PLB1: variants seen among roughly 807,000 people sequenced by gnomAD.
PLB1 encodes phospholipase B1, also known as phospholipase B1, membrane-associated.
PLB1 carries 242 observed loss-of-function variants against 227.4 expected under a neutral mutation model. That is an observed-to-expected ratio of 1.06 (90% CI 0.96 to 1.18). PLB1 has a LOEUF of 1.18. Ranked by LOEUF, PLB1 falls within the 50% of genes most tolerant of loss-of-function variation. The pLI is 0.00. For missense variants in PLB1, 1,858 were observed against 1,816.3 expected (o/e 1.02, Z -0.42); for synonymous variants, 757 against 682.2 (o/e 1.11, Z -1.71).
intron 21 of PLB1, 140 bp from the exon 22 acceptor site, chr2:28,577,967 C>T (rs1165758353): frequency 1.3e-5 from 10 of 795,384 alleles, no homozygotes; most frequent in South Asian, 2.9e-5. Flanking sequence ...AGAAGCTCTG[C>T]GACACGGCCT....
chr2:28,518,859 T>C (rs1446165995), intron 3 of PLB1, among the ~76,000 whole-genome samples: 1 of 152,238 alleles, frequency 6.6e-6, no homozygotes, highest in East Asian at 1.9e-4. Flanking sequence ...TTCCCCACAA[T>C]GGGCTGGGTT....
At chr2:28,576,570 A>G (rs1008028570) in intron 21 of PLB1, among the ~76,000 whole-genome samples, 1 of 152,202 alleles carries the variant, frequency 6.6e-6, no homozygotes, top group Non-Finnish European at 1.5e-5. Context: ...TCTCTACTAA[A>G]AATACAACAA....
chr2:28,521,829 A>G (rs1669566423), intron 4 of PLB1, among the ~76,000 whole-genome samples: 1 of 151,984 alleles, frequency 6.6e-6, no homozygotes. Flanking sequence ...CCCTGCTCAG[A>G]GCCCTACTGT....
chr2:28,618,524 A>G (rs1331289951), intron 46 of PLB1, 125 bp downstream of exon 46: 2 of 962,632 alleles, frequency 2.1e-6, no homozygotes, highest in Non-Finnish European at 3.2e-6. Context: ...GGGCCTACCC[A>G]TGTCAGGCAC....
chr2:28,519,565 C>T (rs1480349362), intron 3 of PLB1, 140 bp from the exon 4 acceptor site: 2 of 634,578 alleles, frequency 3.2e-6, no homozygotes, highest in Admixed American at 2.6e-5. Context: ...TTTGGCATTC[C>T]ACTTCCATGG....
intron 19 of PLB1, among the ~76,000 whole-genome samples, chr2:28,566,006 G>A (rs953831591): frequency 2.6e-5 from 4 of 152,118 alleles, no homozygotes; most frequent in Non-Finnish European, 5.9e-5. Context: ...GCCCCCACCA[G>A]TGCATTCCCT....
At chr2:28,542,257 G>C (rs1433710845) in intron 13 of PLB1, among the ~76,000 whole-genome samples, 2 of 152,104 alleles carry the variant, frequency 1.3e-5, no homozygotes, top group African/African-American at 4.8e-5. Context: ...CTGAACCCAG[G>C]ATGCATAGTC....
chr2:28,530,027 T>A (rs1027368414), intron 8 of PLB1, among the ~76,000 whole-genome samples: 9 of 152,156 alleles, frequency 5.9e-5, no homozygotes, highest in African/African-American at 2.2e-4. Flanking sequence ...ACTGGCTAAT[T>A]TTTATATTTT....
chr2:28,637,272 G>A (rs994332089), intron 56 of PLB1, among the ~76,000 whole-genome samples: 1 of 139,506 alleles, frequency 7.2e-6, no homozygotes, highest in Admixed American at 7.4e-5. Context: ...CAGCCTGGGT[G>A]ACAAGAGTAA....
At chr2:28,634,640 G>A (rs1363310994) in intron 56 of PLB1, among the ~76,000 whole-genome samples, 5 of 152,122 alleles carry the variant, frequency 3.3e-5, no homozygotes, top group African/African-American at 1.2e-4. Context: ...AGGCACGGTG[G>A]CTCATGCCTG....
chr2:28,639,520 G>A (rs751027304), intron 56 of PLB1, among the ~76,000 whole-genome samples: 79 of 152,274 alleles, frequency 5.2e-4, no homozygotes, highest in Admixed American at 1.5e-3. Flanking sequence ...TAACAGCCAC[G>A]GTCACTGGAG....
In PLB1 at chr2:28,526,070, G is replaced by A; in HGVS notation, c.325+125G>A. 5.4e-6 allele frequency: 6 copies of A among 1,106,558 alleles called. No individual in the cohort carries two copies. In the South Asian group the frequency reaches 8.6e-5, roughly 16 times the overall value. 68.5% of individuals were successfully genotyped at this position (1,106,558 alleles called of 1,614,324 possible). A position where few individuals can be genotyped will look rare whatever the true frequency, so the allele number is the denominator to read the frequency against. On this transcript the variant is annotated intron_variant, in intron 6 of 57. Coordinates refer to ENST00000327757, the MANE Select transcript of PLB1 (RefSeq NM_153021.5). ...TATCACTGGAGCCCAGGAGAAAGGG[G>A]ACGGTGTTCTGAGAGGACAGATCAG...
intron 4 of PLB1, among the ~76,000 whole-genome samples, chr2:28,521,860 G>T (rs1003711802): frequency 3.3e-5 from 5 of 151,922 alleles, no homozygotes; most frequent in African/African-American, 1.2e-4. Flanking sequence ...CCTGAACCAG[G>T]ATACTCTTTC....
intron 20 of PLB1, among the ~76,000 whole-genome samples, chr2:28,569,504 G>A (rs1212482398): frequency 6.6e-6 from 1 of 151,838 alleles, no homozygotes; most frequent in African/African-American, 2.4e-5. Flanking sequence ...AAAAGGGAGG[G>A]GAAATGAAAA....
At chr2:28,622,935 A>G (rs577414435) in intron 49 of PLB1, among the ~76,000 whole-genome samples, 32 of 152,370 alleles carry the variant, frequency 2.1e-4, no homozygotes, top group Admixed American at 9.8e-4. Context: ...AGGAATCAAA[A>G]GATGAACTCC....
rs189499672 is a variant in PLB1 at position 28,578,792 on chromosome 2, A to C, written c.1485+634A>C. On this transcript the variant is annotated intron_variant, in intron 22 of 57. Coordinates refer to ENST00000327757, the MANE Select transcript of PLB1 (RefSeq NM_153021.5). The stretch of plus-strand genomic sequence containing the variant: ...TTATGTTATATATAATTTAATGTAC[A>C]TCAAAGTCTATTATTGGGAGGTTCT... Among the ~76,000 whole-genome samples the C allele has an allele frequency of 2.4e-4, 37 of 152,326 alleles. 1 individual carries two copies. The East Asian group carries it at 6.7e-3, about 28-fold the overall frequency.
chr2:28,604,114 C>G, intron 40 of PLB1, 67 bp downstream of exon 40: 1 of 1,443,456 alleles, frequency 6.9e-7, no homozygotes, highest in Non-Finnish European at 9.7e-7. Flanking sequence ...CAGCCCAGAG[C>G]CCCTAGAGGA....
At chr2:28,636,340 A>G (rs572655998) in intron 56 of PLB1, among the ~76,000 whole-genome samples, 147 of 152,320 alleles carry the variant, frequency 9.7e-4, no homozygotes, top group Middle Eastern at 3.4e-3. Context: ...CTGGGATTAT[A>G]GGTGTGAGCC....
rs538065102 is a variant in PLB1, at chr2:28,566,817, C to A, written c.1302C>A (p.Ile434=). The change falls in exon 20 of 58, where the codon ATC becomes ATA. Residue 434 remains isoleucine, a synonymous_variant. Transcript: ENST00000327757. ...LSWSVGGDEN[I]GTVTTLANIL... ...ACAGCGTCGGCGGAGATGAGAACAT[C>A]GGCACCGTTACCACCCTGGCGAGTG... The A allele has an allele frequency of 6.2e-7, 1 of 1,614,104 alleles. No homozygotes were observed. The highest frequency in any genetic ancestry group is 1.1e-5 in the South Asian group (1 of 91,086).
Sources: allele counts gnomAD v4.1 joint callset (sites outside exome capture counted in the v4.1 genomes callset), GRCh38; gene constraint gnomAD v4.1.1; transcripts MANE v1.5; gene names NCBI Gene and HGNC (gene_info 2026-07-23, HGNC 2026-07-21).